VAT1L: variants seen among roughly 807,000 people sequenced by gnomAD.
VAT1L encodes vesicle amine transport 1 like.
VAT1L carries 34 observed loss-of-function variants against 44.1 expected under a neutral mutation model. The ratio of observed to expected loss-of-function variants is 0.77; its 90% CI spans 0.59 to 1.03. VAT1L has a LOEUF of 1.03. Among genes scored for constraint, VAT1L ranks in the 50% least tolerant of loss-of-function variants. The pLI, the probability that VAT1L is intolerant of heterozygous loss-of-function variation, is 0.00. For synonymous variants in VAT1L, 253 were observed against 202.2 expected, an observed-to-expected ratio of 1.25 and a Z score of -2.13; for missense variants, 615 against 538.8, an observed-to-expected ratio of 1.14 and a Z score of -1.40.
chr16:77,935,897 A>C (rs1567513703), intron 7 of VAT1L, among the ~76,000 whole-genome samples: 1 of 152,202 alleles, frequency 6.6e-6, no homozygotes, highest in Non-Finnish European at 1.5e-5. Flanking sequence ...TGGTGTGATC[A>C]TGTATCTGAA....
intron 7 of VAT1L, among the ~76,000 whole-genome samples, chr16:77,938,651 G>A (rs1279461267): frequency 6.6e-6 from 1 of 152,028 alleles, no homozygotes; most frequent in African/African-American, 2.4e-5. Flanking sequence ...CACCATGATG[G>A]TAAGTTTCCT....
chr16:77,971,966 C>A, intron 8 of VAT1L, 33 bp downstream of exon 8: 2 of 1,596,664 alleles, frequency 1.3e-6, no homozygotes, highest in Non-Finnish European at 8.5e-7. Flanking sequence ...TGTTCAGTTC[C>A]ACGCGAGAGA....
chr16:77,812,803 C>T (rs925223000), intron 1 of VAT1L, among the ~76,000 whole-genome samples: 2 of 152,108 alleles, frequency 1.3e-5, no homozygotes, highest in Admixed American at 6.5e-5. Context: ...ATCTTCATTC[C>T]TTCAGGATGC....
In VAT1L at chr16:77,977,878, C is replaced by T. The variant is rs1456065384; in HGVS notation, c.*183C>T. 8.3e-6 allele frequency: 5 copies of T among 602,268 alleles called. No individual in the cohort carries two copies. Among genetic ancestry groups the T allele is most frequent in the Non-Finnish European group, 1.5e-5 (5 of 332,170 alleles). 37.3% of individuals were successfully genotyped at this position (602,268 alleles called of 1,614,324 possible). ...TTTGAAGTGCCAATCCCATGCCATG[C>T]AGTATTATGTCCCTCTCCTATCTGT... On this transcript the variant is annotated 3_prime_UTR_variant, in exon 9 of 9. Transcript: ENST00000302536.
chr16:77,805,354 T>C (rs2145220115), intron 1 of VAT1L, among the ~76,000 whole-genome samples: 1 of 152,336 alleles, frequency 6.6e-6, no homozygotes. Context: ...CAAGATTTTC[T>C]GAGATCAATG....
chr16:77,943,802 T>C (rs981925267), intron 7 of VAT1L, among the ~76,000 whole-genome samples: 6 of 152,156 alleles, frequency 3.9e-5, no homozygotes, highest in African/African-American at 1.4e-4. Context: ...CACAAGAGCA[T>C]AGGGCTCTCA....
chr16:77,942,848 G>A (rs1031073824), intron 7 of VAT1L, among the ~76,000 whole-genome samples: 3 of 151,770 alleles, frequency 2.0e-5, no homozygotes, highest in Admixed American at 6.6e-5. Context: ...GGGTTCAAGC[G>A]ATTATCTCAC....
intron 3 of VAT1L, among the ~76,000 whole-genome samples, chr16:77,851,095 C>T (rs918107097): frequency 2.0e-5 from 3 of 152,206 alleles, no homozygotes; most frequent in Admixed American, 6.5e-5. Context: ...AAACACCAAA[C>T]TGTGGGGCAA....
intron 7 of VAT1L, among the ~76,000 whole-genome samples, chr16:77,934,448 C>T (rs535246644): frequency 1.3e-5 from 2 of 151,976 alleles, no homozygotes; most frequent in African/African-American, 2.4e-5. Flanking sequence ...CAAGCAGAAT[C>T]CAAAAAACAA....
chr16:77,902,652 C>T (rs576192673), intron 7 of VAT1L, among the ~76,000 whole-genome samples: 2 of 142,158 alleles, frequency 1.4e-5, no homozygotes, highest in Non-Finnish European at 3.0e-5. Context: ...ATCAATCAAT[C>T]AATCAATCAA....
intron 5 of VAT1L, among the ~76,000 whole-genome samples, chr16:77,876,861 A>G (rs1373652659): frequency 6.6e-6 from 1 of 152,106 alleles, no homozygotes; most frequent in Non-Finnish European, 1.5e-5. Context: ...TAGGATATGC[A>G]TGTTTTAAGG....
At chr16:77,909,876 A>G (rs139493519) in intron 7 of VAT1L, among the ~76,000 whole-genome samples, 8 of 152,172 alleles carry the variant, frequency 5.3e-5, no homozygotes, top group South Asian at 2.1e-4. Flanking sequence ...CTGCCCTTCA[A>G]CCCAGTCCAG....
intron 3 of VAT1L, among the ~76,000 whole-genome samples, chr16:77,830,959 C>T (rs906775162): frequency 1.3e-5 from 2 of 152,244 alleles, no homozygotes; most frequent in South Asian, 2.1e-4. Context: ...GCTGGGATTA[C>T]AGGCGTGAGC....
chr16:77,944,136 G>C (rs985153454), intron 7 of VAT1L, among the ~76,000 whole-genome samples: 1 of 152,108 alleles, frequency 6.6e-6, no homozygotes, highest in Non-Finnish European at 1.5e-5. Flanking sequence ...CTAGTGAATG[G>C]AGGCCAGGGA....
chr16:77,972,276 G>A (rs2018287391), intron 8 of VAT1L, among the ~76,000 whole-genome samples: 2 of 152,152 alleles, frequency 1.3e-5, no homozygotes, highest in South Asian at 2.1e-4. Context: ...ACAGAATGAT[G>A]CCAGCTGCTT....
chr16:77,937,087 T>C (rs919989003), intron 7 of VAT1L, among the ~76,000 whole-genome samples: 1 of 152,090 alleles, frequency 6.6e-6, no homozygotes, highest in Non-Finnish European at 1.5e-5. Context: ...TTCACCATGT[T>C]GGTCAGGATG....
intron 7 of VAT1L, among the ~76,000 whole-genome samples, chr16:77,942,591 C>A (rs887944646): frequency 1.3e-5 from 2 of 152,196 alleles, no homozygotes; most frequent in African/African-American, 2.4e-5. Flanking sequence ...ATCTTGCATC[C>A]ATAGTTGCCT....
chr16:77,937,485 T>TC (rs151141429), intron 7 of VAT1L, among the ~76,000 whole-genome samples: 23,165 of 152,174 alleles, frequency 0.15, 2,171 homozygotes, highest in Non-Finnish European at 0.21. Flanking sequence ...CAAGAGACTT[T>TC]CCCCCACTAC....
chr16:77,895,938 C>A (rs389500), intron 7 of VAT1L, among the ~76,000 whole-genome samples: 1,705 of 152,124 alleles, frequency 0.011, 11 homozygotes, highest in Non-Finnish European at 0.017. Flanking sequence ...CTGGGCAGGG[C>A]TGAGACCCAG....
Sources: gnomAD v4.1 joint callset for allele counts (sites outside exome capture counted in the v4.1 genomes callset) on GRCh38, gnomAD v4.1.1 for gene constraint, MANE v1.5 for transcripts, NCBI Gene and HGNC (gene_info 2026-07-23, HGNC 2026-07-21) for gene names.